Variants in CHEK1 observed in about 807,000 individuals in gnomAD.
CHEK1 encodes the protein checkpoint kinase 1, also known as serine/threonine-protein kinase Chk1.
CHEK1 carries 32 observed loss-of-function variants against 60.2 expected under a neutral mutation model. The ratio of observed to expected loss-of-function variants is 0.53; its 90% CI spans 0.40 to 0.71. CHEK1 has a LOEUF of 0.71. Ranked by LOEUF, CHEK1 falls within the 30% of genes least tolerant of loss-of-function variation. CHEK1 has a pLI of 0.00. For synonymous variants in CHEK1, 179 were observed against 187.2 expected (o/e 0.96, Z 0.36); for missense variants, 399 against 564.6 (o/e 0.71, Z 2.97).
At chr11:125,678,275 C>G (rs370300247), downstream of CHEK1, 2 of 1,613,930 alleles carry the variant, frequency 1.2e-6, no homozygotes, top group Non-Finnish European at 1.7e-6. Context: ...AGCCAGAAAG[C>G]TCATTAGGCT....
rs373296206 is a variant in CHEK1, at chr11:125,635,395, C to T, written c.614-34C>T. 3.2e-6 allele frequency: 4 copies of T among 1,247,786 alleles called. No homozygotes were observed. In the African/African-American group the frequency reaches 4.6e-5, roughly 14 times the overall value. 77.3% of individuals were successfully genotyped at this position (1,247,786 alleles called of 1,614,324 possible). ...TTCCTTGAAATCTTTATAATAAGAA[C>T]ATTTAAAAAAACTGGGACTTGCTTT... is the stretch of plus-strand genomic sequence containing the variant. On this transcript the variant is annotated intron_variant, in intron 6 of 12. Coordinates refer to ENST00000438015, the MANE Select transcript of CHEK1 (RefSeq NM_001114122.3).
At chr11:125,678,239 C>T (rs1365677389), downstream of CHEK1, 2 of 1,614,060 alleles carry the variant, frequency 1.2e-6, no homozygotes, top group Non-Finnish European at 1.7e-6. Context: ...CTGGAAGTTG[C>T]TGAACTGAAG....
At chr11:125,669,487 G>A (rs1275587120) in intron 13 of CHEK1, among the ~76,000 whole-genome samples, 3 of 146,234 alleles carry the variant, frequency 2.1e-5, no homozygotes, top group South Asian at 2.2e-4. Context: ...TGCTTATTAT[G>A]TGCCTAGGTA....
chr11:125,641,014 C>T (rs1448402169), intron 8 of CHEK1, among the ~76,000 whole-genome samples: 2 of 152,264 alleles, frequency 1.3e-5, no homozygotes, highest in Non-Finnish European at 2.9e-5. Flanking sequence ...GTGAATCACT[C>T]CTTTTTCCAG....
chr11:125,663,691 T>C (rs1246150239), intron 13 of CHEK1, among the ~76,000 whole-genome samples: 1 of 152,168 alleles, frequency 6.6e-6, no homozygotes, highest in Non-Finnish European at 1.5e-5. Context: ...TGTTAATTTT[T>C]GTTTTTGTTG....
intron 13 of CHEK1, chr11:125,671,563 G>A (rs1192543918): frequency 3.3e-5 from 5 of 152,166 alleles, no homozygotes; most frequent in Admixed American, 3.3e-4. Flanking sequence ...TTTATATACA[G>A]TAAAATTGAC....
downstream of CHEK1, chr11:125,678,263 G>A: frequency 6.2e-7 from 1 of 1,614,124 alleles, no homozygotes; most frequent in Non-Finnish European, 8.5e-7. Flanking sequence ...GATGATCTAT[G>A]GAGCCAGAAA....
At position 125,625,914 on chromosome 11, in the gene CHEK1, G is replaced by A. The variant is rs1208823082; in HGVS notation, c.-119G>A. ...GGGAACGCGCGCTGTCTTGCTTTAC[G>A]GCGCGGGTGCGCGAGTTTGCGGCAG... On this transcript the variant is annotated 5_prime_UTR_variant, in exon 1 of 13. Coordinates refer to ENST00000438015, the MANE Select transcript of CHEK1 (RefSeq NM_001114122.3). The A allele has an allele frequency of 3.6e-5, 25 of 702,520 alleles. No individual in the cohort carries two copies. The highest frequency in any genetic ancestry group is 4.9e-5 in the Non-Finnish European group (19 of 385,026). The allele number at this position is 702,520 out of a possible 1,614,324, so 43.5% of individuals were successfully genotyped here.
intron 11 of CHEK1, among the ~76,000 whole-genome samples, chr11:125,648,192 G>T (rs28886614): frequency 0.029 from 4,452 of 151,496 alleles, 213 homozygotes; most frequent in African/African-American, 0.099. Context: ...ATATGCAAAT[G>T]AATTTTGTAT....
intron 11 of CHEK1, among the ~76,000 whole-genome samples, chr11:125,647,504 G>C (rs1247267112): frequency 6.6e-6 from 1 of 151,408 alleles, no homozygotes; most frequent in African/African-American, 2.4e-5. Flanking sequence ...AGGTATTTTG[G>C]TTATTTGTGG....
At chr11:125,646,482 T>C (rs988605138) in intron 11 of CHEK1, among the ~76,000 whole-genome samples, 8 of 152,172 alleles carry the variant, frequency 5.3e-5, no homozygotes, top group African/African-American at 1.4e-4. Flanking sequence ...TTCTTAGATA[T>C]ATATGGAGGA....
Position 125,644,507 on chromosome 11 carries a change from TG to T in CHEK1, c.1102-4del. The T allele has an allele frequency of 6.2e-7, 1 of 1,613,418 alleles. No homozygotes were observed. Among genetic ancestry groups the T allele is most frequent in the Non-Finnish European group, 8.5e-7 (1 of 1,179,792 alleles). The stretch of plus-strand genomic sequence containing the variant: ...TTATTCATTTGTCTTCTGTTTGACA[TG>T]TAGAACCCCTGGCAGCGGTTGGTCA... On this transcript the variant is annotated splice_polypyrimidine_tract_variant and splice_region_variant and intron_variant, in intron 10 of 12. Coordinates refer to ENST00000438015, the MANE Select transcript of CHEK1 (RefSeq NM_001114122.3).
intron 11 of CHEK1, among the ~76,000 whole-genome samples, chr11:125,646,101 AAAAAC>A (rs1343943643): frequency 2.0e-5 from 3 of 152,136 alleles, no homozygotes; most frequent in African/African-American, 7.2e-5. Flanking sequence ...ACGGGGAAAA[AAAAAC>A]AAAACACCTC....
chr11:125,651,036 G>A (rs958166770), intron 11 of CHEK1, among the ~76,000 whole-genome samples: 2 of 152,040 alleles, frequency 1.3e-5, no homozygotes, highest in African/African-American at 4.8e-5. Flanking sequence ...TACTGCCCTG[G>A]TCATGGGTGT....
chr11:125,645,444 G>A (rs1232621878), intron 11 of CHEK1, among the ~76,000 whole-genome samples: 1 of 152,138 alleles, frequency 6.6e-6, no homozygotes, highest in African/African-American at 2.4e-5. Flanking sequence ...AAGACAAATA[G>A]GGTAGCTGTT....
chr11:125,676,518 A>T (rs76133534), downstream of CHEK1: 103,398 of 1,612,024 alleles, frequency 0.064, 3,756 homozygotes, highest in African/African-American at 0.12. Context: ...TTCCTTGTGG[A>T]CCAGATGTGT....
chr11:125,633,405 C>G (rs956177664), intron 6 of CHEK1, 54 bp downstream of exon 6: 3 of 1,370,830 alleles, frequency 2.2e-6, no homozygotes, highest in Non-Finnish European at 1.9e-6. Context: ...ATTAGTTATA[C>G]TGAAATAAAT....
At chr11:125,673,042 C>G (rs1312111715) in intron 13 of CHEK1, among the ~76,000 whole-genome samples, 1 of 151,976 alleles carries the variant, frequency 6.6e-6, no homozygotes, top group Non-Finnish European at 1.5e-5. Flanking sequence ...CAGAGTCTGC[C>G]TATCCTCCTC....
downstream of CHEK1, among the ~76,000 whole-genome samples, chr11:125,678,978 TTATATATA>T (rs10522682): frequency 1.6e-4 from 14 of 88,444 alleles, no homozygotes; most frequent in East Asian, 3.3e-3. Context: ...TCTAGGCATA[TTATATATA>T]TATATATATA....
Sources: gnomAD v4.1 joint callset for allele counts (sites outside exome capture counted in the v4.1 genomes callset) on GRCh38, gnomAD v4.1.1 for gene constraint, MANE v1.5 for transcripts, NCBI Gene and HGNC (gene_info 2026-07-23, HGNC 2026-07-21) for gene names.